The following LMNB1 variants were observed in gnomAD, a reference collection of about 807,000 sequenced individuals.
The protein encoded by LMNB1 is lamin-B1.
Under a neutral mutation model 67.1 loss-of-function variants are expected in LMNB1, and 23 were observed. The observed-to-expected ratio is 0.34, with a 90% CI of 0.25 to 0.49. LMNB1 has a LOEUF of 0.49. Among genes scored for constraint, LMNB1 ranks in the 20% least tolerant of loss-of-function variants. LMNB1 has a pLI of 0.99. For synonymous variants in LMNB1, 281 were observed against 282.9 expected (o/e 0.99, Z 0.07); for missense variants, 634 against 746.5 (o/e 0.85, Z 1.76).
chr5:126,797,609 G>A (rs985639280), intron 1 of LMNB1, among the ~76,000 whole-genome samples: 11 of 152,342 alleles, frequency 7.2e-5, no homozygotes, highest in Middle Eastern at 3.4e-3. Flanking sequence ...TAGGATATCA[G>A]TTCTACAGGT....
At chr5:126,779,563 C>A (rs1392087996) in intron 1 of LMNB1, among the ~76,000 whole-genome samples, 1 of 152,200 alleles carries the variant, frequency 6.6e-6, no homozygotes, top group Admixed American at 6.5e-5. Flanking sequence ...TGTGTAGGAT[C>A]CATCCTGTTG....
intron 9 of LMNB1, among the ~76,000 whole-genome samples, chr5:126,827,509 G>A (rs1421451984): frequency 1.3e-5 from 2 of 151,932 alleles, no homozygotes; most frequent in African/African-American, 2.4e-5. Flanking sequence ...AAAAACACAA[G>A]AATTAGCCGG....
chr5:126,818,800 T>A, intron 5 of LMNB1, 122 bp from the exon 6 acceptor site: 1 of 707,740 alleles, frequency 1.4e-6, no homozygotes, highest in Admixed American at 2.5e-5. Context: ...TCTTGAATTC[T>A]AGTGAGTTAG....
chr5:126,779,625 G>A (rs895367922), intron 1 of LMNB1, among the ~76,000 whole-genome samples: 1 of 152,228 alleles, frequency 6.6e-6, no homozygotes, highest in Non-Finnish European at 1.5e-5. Context: ...AGGGCCGGGC[G>A]TGGTGGCTCA....
chr5:126,778,303 G>A (rs1004217984), intron 1 of LMNB1, among the ~76,000 whole-genome samples: 2 of 152,058 alleles, frequency 1.3e-5, no homozygotes, highest in Non-Finnish European at 2.9e-5. Flanking sequence ...TAGCGGATTT[G>A]CAGTGCCGGG....
chr5:126,822,015 T>C (rs1438508202), intron 7 of LMNB1, among the ~76,000 whole-genome samples: 1 of 149,522 alleles, frequency 6.7e-6, no homozygotes, highest in Admixed American at 6.7e-5. Flanking sequence ...TTTGTAGCCT[T>C]TTTTTTTTTT....
At chr5:126,804,686 A>G in intron 1 of LMNB1, 90 bp from the exon 2 acceptor site, 2 of 1,196,852 alleles carry the variant, frequency 1.7e-6, no homozygotes, top group Non-Finnish European at 2.3e-6. Flanking sequence ...TATTTAAACT[A>G]CTTCTTTTGT....
At chr5:126,782,814 C>T (rs1750662927) in intron 1 of LMNB1, among the ~76,000 whole-genome samples, 1 of 152,084 alleles carries the variant, frequency 6.6e-6, no homozygotes, top group African/African-American at 2.4e-5. Flanking sequence ...TCCCAAAGTG[C>T]TGGGATTACA....
At chr5:126,821,593 A>T (rs1199034910) in intron 7 of LMNB1, among the ~76,000 whole-genome samples, 1 of 152,272 alleles carries the variant, frequency 6.6e-6, no homozygotes, top group Non-Finnish European at 1.5e-5. Context: ...ATGAATGAAC[A>T]AATGCTAATA....
chr5:126,787,938 A>G (rs1407552207), intron 1 of LMNB1, among the ~76,000 whole-genome samples: 1 of 151,976 alleles, frequency 6.6e-6, no homozygotes, highest in Non-Finnish European at 1.5e-5. Flanking sequence ...TTAAGGCAGA[A>G]TTGTGACATG....
chr5:126,781,832 T>C (rs1425748076), intron 1 of LMNB1, among the ~76,000 whole-genome samples: 2 of 152,264 alleles, frequency 1.3e-5, no homozygotes, highest in Admixed American at 1.3e-4. Flanking sequence ...GAGAGAATTA[T>C]AGATTCCAGG....
chr5:126,812,893 G>A (rs1751614457), intron 5 of LMNB1, among the ~76,000 whole-genome samples: 1 of 151,880 alleles, frequency 6.6e-6, no homozygotes, highest in Non-Finnish European at 1.5e-5. Context: ...ACCACGCCCG[G>A]CTAATTTTTG....
intron 5 of LMNB1, among the ~76,000 whole-genome samples, chr5:126,813,970 A>G (rs1357618003): frequency 6.6e-6 from 1 of 152,068 alleles, no homozygotes; most frequent in Non-Finnish European, 1.5e-5. Context: ...ATCTCGGCTC[A>G]CTGCAACCTC....
At chr5:126,778,636 G>A (rs1750545666) in intron 1 of LMNB1, among the ~76,000 whole-genome samples, 1 of 152,192 alleles carries the variant, frequency 6.6e-6, no homozygotes, top group South Asian at 2.1e-4. Context: ...CGCAGGGAAG[G>A]AAAGCTGGGT....
chr5:126,787,546 A>ATATTTTTTTTTTTTTTT, intron 1 of LMNB1, among the ~76,000 whole-genome samples: 22 of 65,570 alleles, frequency 3.4e-4, no homozygotes, highest in African/African-American at 1.0e-3. Flanking sequence ...ATATATATAT[A>ATATTTTTTTTTTTTTTT]TTTTTTTTTT....
intron 1 of LMNB1, among the ~76,000 whole-genome samples, chr5:126,782,200 G>A (rs1428344988): frequency 6.6e-6 from 1 of 152,210 alleles, no homozygotes; most frequent in Non-Finnish European, 1.5e-5. Flanking sequence ...AACTGATTTT[G>A]TGGATTCAGA....
chr5:126,787,546 A>ATATATATATATATATAT, intron 1 of LMNB1, among the ~76,000 whole-genome samples: 12 of 65,570 alleles, frequency 1.8e-4, no homozygotes, highest in African/African-American at 6.6e-4. Flanking sequence ...ATATATATAT[A>ATATATATATATATATAT]TTTTTTTTTT....
intron 5 of LMNB1, among the ~76,000 whole-genome samples, chr5:126,814,592 G>T (rs1371881592): frequency 6.6e-6 from 1 of 151,122 alleles, no homozygotes; most frequent in Non-Finnish European, 1.5e-5. Flanking sequence ...AAGCTGGAGT[G>T]CAATGGCACT....
chr5:126,810,412 T>C, intron 4 of LMNB1, 62 bp downstream of exon 4: 1 of 1,245,252 alleles, frequency 8.0e-7, no homozygotes, highest in South Asian at 1.6e-5. Context: ...ATTCCCATGA[T>C]GAACATGGCT....
Sources: allele counts gnomAD v4.1 joint callset (sites outside exome capture counted in the v4.1 genomes callset), GRCh38; gene constraint gnomAD v4.1.1; transcripts MANE v1.5; gene names NCBI Gene and HGNC (gene_info 2026-07-23, HGNC 2026-07-21).